THEMIS: variants seen among roughly 807,000 people sequenced by gnomAD.
The protein encoded by THEMIS is thymocyte selection associated, also known as protein THEMIS.
A neutral mutation model predicts 52.6 loss-of-function variants in THEMIS; 37 were observed. The observed-to-expected ratio is 0.70, with a 90% CI of 0.54 to 0.93. THEMIS has a LOEUF of 0.93. Among genes scored for constraint, THEMIS ranks in the 40% least tolerant of loss-of-function variants. The probability of loss-of-function intolerance (pLI) is 0.00; values close to 1 mark genes in which losing one functional copy is unlikely to be tolerated. For missense variants in THEMIS, 808 were observed against 763.1 expected (o/e 1.06, Z -0.69); for synonymous variants, 292 against 272.7 (o/e 1.07, Z -0.70).
chr6:127,759,714 C>G (rs1775950783), intron 4 of THEMIS, among the ~76,000 whole-genome samples: 1 of 152,138 alleles, frequency 6.6e-6, no homozygotes, highest in Admixed American at 6.6e-5. Flanking sequence ...TCCCTCTTCA[C>G]AGGATTATTT....
intron 2 of THEMIS, among the ~76,000 whole-genome samples, chr6:127,831,797 T>A (rs1177343326): frequency 4.6e-5 from 7 of 152,164 alleles, no homozygotes; most frequent in Non-Finnish European, 1.0e-4. Context: ...TATGCTGTGC[T>A]TGACTAAAAT....
intron 4 of THEMIS, among the ~76,000 whole-genome samples, chr6:127,727,795 G>A (rs1774602897): frequency 6.6e-6 from 1 of 151,988 alleles, no homozygotes; most frequent in Non-Finnish European, 1.5e-5. Flanking sequence ...TTGTGAATAG[G>A]TGCCCCACAT....
chr6:127,784,179 T>C (rs2114492875), intron 4 of THEMIS, among the ~76,000 whole-genome samples: 1 of 152,174 alleles, frequency 6.6e-6, no homozygotes, highest in African/African-American at 2.4e-5. Context: ...AAGTGGGAGT[T>C]GAACAATGAG....
At chr6:127,865,197 A>G (rs560619639) in intron 1 of THEMIS, among the ~76,000 whole-genome samples, 18 of 152,280 alleles carry the variant, frequency 1.2e-4, no homozygotes, top group African/African-American at 4.3e-4. Context: ...GTGAAAAACA[A>G]AACAAACAAA....
chr6:127,846,069 T>C (rs1330981942), intron 2 of THEMIS, among the ~76,000 whole-genome samples: 1 of 151,956 alleles, frequency 6.6e-6, no homozygotes, highest in Non-Finnish European at 1.5e-5. Flanking sequence ...CAACACATAC[T>C]GAAAACATGG....
intron 1 of THEMIS, among the ~76,000 whole-genome samples, chr6:127,873,448 C>T (rs912553106): frequency 2.0e-5 from 3 of 152,184 alleles, no homozygotes; most frequent in Admixed American, 6.5e-5. Flanking sequence ...AATAGATATA[C>T]GTATTAAAGG....
intron 1 of THEMIS, among the ~76,000 whole-genome samples, chr6:127,855,942 G>A (rs1402617022): frequency 6.6e-6 from 1 of 151,774 alleles, no homozygotes; most frequent in Non-Finnish European, 1.5e-5. Context: ...CAAGAGCAGA[G>A]GCAAAAATTC....
chr6:127,699,899 G>GACA, the THEMIS span, among the ~76,000 whole-genome samples: 1 of 151,474 alleles, frequency 6.6e-6, no homozygotes, highest in East Asian at 1.9e-4. Flanking sequence ...CTTGTGTTGG[G>GACA]CAAATATTTT....
At chr6:127,782,761 C>T (rs548786582) in intron 4 of THEMIS, among the ~76,000 whole-genome samples, 2 of 152,164 alleles carry the variant, frequency 1.3e-5, no homozygotes, top group East Asian at 3.9e-4. Context: ...TCCACCTCCT[C>T]TTCCATGCTC....
chr6:127,776,560 T>C (rs369050467), intron 4 of THEMIS, among the ~76,000 whole-genome samples: 2 of 152,246 alleles, frequency 1.3e-5, no homozygotes, highest in African/African-American at 4.8e-5. Context: ...TTTTGATGAA[T>C]GTAGCCCCAG....
intron 4 of THEMIS, among the ~76,000 whole-genome samples, chr6:127,731,269 T>C (rs1313915113): frequency 6.6e-6 from 1 of 152,342 alleles, no homozygotes; most frequent in South Asian, 2.1e-4. Context: ...AAGAAATGCT[T>C]TCACTAAAGA....
intron 4 of THEMIS, among the ~76,000 whole-genome samples, chr6:127,743,585 TG>T (rs1562228654): frequency 6.6e-6 from 1 of 152,080 alleles, no homozygotes; most frequent in East Asian, 1.9e-4. Flanking sequence ...AATGTACAAG[TG>T]GTTTTTTAGT....
At chr6:127,859,936 G>A (rs1042724604) in intron 1 of THEMIS, among the ~76,000 whole-genome samples, 14 of 152,052 alleles carry the variant, frequency 9.2e-5, no homozygotes, top group African/African-American at 3.4e-4. Flanking sequence ...TTTGCTTCAG[G>A]ATAGCACAAA....
At chr6:127,855,271 GTTTTAATTCAGT>G in intron 1 of THEMIS, 83 bp from the exon 2 acceptor site, 1 of 1,218,576 alleles carries the variant, frequency 8.2e-7, no homozygotes, top group East Asian at 2.6e-5. Context: ...AATATAAAGT[GTTTTAATTCAGT>G]TCCTCTCTTA....
At chr6:127,891,841 C>A (rs530578301) in intron 1 of THEMIS, among the ~76,000 whole-genome samples, 11 of 152,230 alleles carry the variant, frequency 7.2e-5, no homozygotes, top group Non-Finnish European at 1.5e-4. Flanking sequence ...ACTCCTTAAA[C>A]CTCTTCTCAT....
chr6:127,856,643 C>T (rs908026024), intron 1 of THEMIS, among the ~76,000 whole-genome samples: 1 of 151,974 alleles, frequency 6.6e-6, no homozygotes, highest in Non-Finnish European at 1.5e-5. Flanking sequence ...CTAAAGAATA[C>T]ATATTAAGGA....
At chr6:127,706,525 C>T (rs1013410866), downstream of THEMIS, among the ~76,000 whole-genome samples, 3 of 152,120 alleles carry the variant, frequency 2.0e-5, no homozygotes, top group Admixed American at 2.0e-4. Flanking sequence ...ATGCCAGACA[C>T]TATTCTAAGT....
the THEMIS span, among the ~76,000 whole-genome samples, chr6:127,700,993 G>A: frequency 2.8e-4 from 42 of 151,990 alleles, no homozygotes; most frequent in Non-Finnish European, 4.7e-4. Flanking sequence ...TTTCAAACTT[G>A]TGCTTACCGT....
At chr6:127,886,262 G>C (rs986534861) in intron 1 of THEMIS, among the ~76,000 whole-genome samples, 1 of 152,066 alleles carries the variant, frequency 6.6e-6, no homozygotes, top group Non-Finnish European at 1.5e-5. Context: ...GTTAGGTTTA[G>C]TTTTTCCATT....
Sources: allele counts gnomAD v4.1 joint callset (sites outside exome capture counted in the v4.1 genomes callset), GRCh38; gene constraint gnomAD v4.1.1; transcripts MANE v1.5; gene names NCBI Gene and HGNC (gene_info 2026-07-23, HGNC 2026-07-21).